The following ANKDD1B variants were observed in gnomAD, a reference collection of about 807,000 sequenced individuals.
ANKDD1B encodes the protein ankyrin repeat and death domain containing 1B.
ANKDD1B carries 57 observed loss-of-function variants against 59.7 expected under a neutral mutation model. That is an observed-to-expected ratio of 0.95 (90% CI 0.77 to 1.19). The LOEUF (loss-of-function observed/expected upper bound fraction) is 1.19. Ranked by LOEUF, ANKDD1B falls within the 50% of genes most tolerant of loss-of-function variation. ANKDD1B has a pLI of 0.00. For synonymous variants in ANKDD1B, 216 were observed against 239.5 expected, an observed-to-expected ratio of 0.90 and a Z score of 0.91; for missense variants, 602 against 641.9, an observed-to-expected ratio of 0.94 and a Z score of 0.67.
At chr5:75,641,937 G>A (rs907433811) in intron 7 of ANKDD1B, among the ~76,000 whole-genome samples, 4 of 152,154 alleles carry the variant, frequency 2.6e-5, no homozygotes, top group African/African-American at 9.7e-5. Flanking sequence ...CAACATATAC[G>A]TGGAATGAAA....
intron 1 of ANKDD1B, among the ~76,000 whole-genome samples, chr5:75,614,407 T>C (rs1773660124): frequency 6.6e-6 from 1 of 152,210 alleles, no homozygotes; most frequent in African/African-American, 2.4e-5. Flanking sequence ...GAGGAAGATA[T>C]TATCTCTGTC....
intron 7 of ANKDD1B, among the ~76,000 whole-genome samples, chr5:75,640,680 A>G (rs1014192272): frequency 1.3e-5 from 2 of 152,232 alleles, no homozygotes; most frequent in Non-Finnish European, 2.9e-5. Flanking sequence ...GACAGCAGGA[A>G]GTGACACCAA....
rs1392581162 is a variant in ANKDD1B at position 75,616,846 on chromosome 5, A to G, written c.236A>G (p.Asn79Ser). ...ERSFQNAAKSNNLDLMEKLFE... is the reference protein window; with the variant it reads ...ERSFQNAAKSSNLDLMEKLFE... ...AGCTTTCAGAATGCTGCTAAAAGCA[A>G]TAATTTGGATCTTATGGAGAAGCTG... Residue 79 changes from asparagine to serine, a missense_variant, in exon 2 of 14, where the codon AAT becomes AGT. Transcript: ENST00000601380. The G allele has an allele frequency of 1.2e-5, 18 of 1,533,128 alleles. No homozygotes were observed. The highest frequency in any genetic ancestry group is 1.5e-5 in the Non-Finnish European group (17 of 1,144,486). 95.0% of individuals were successfully genotyped at this position (1,533,128 alleles called of 1,614,324 possible).
intron 1 of ANKDD1B, among the ~76,000 whole-genome samples, chr5:75,613,773 A>G (rs1561428913): frequency 6.6e-6 from 1 of 152,194 alleles, no homozygotes; most frequent in Non-Finnish European, 1.5e-5. Context: ...CAGTCAGGAC[A>G]AAGTAAGCTT....
intron 12 of ANKDD1B, among the ~76,000 whole-genome samples, chr5:75,668,354 G>A (rs1485427187): frequency 6.6e-6 from 1 of 152,178 alleles, no homozygotes; most frequent in African/African-American, 2.4e-5. Flanking sequence ...GCACTGGGGA[G>A]TTTGTGGGCT....
At chr5:75,624,808 A>G (rs1038256287) in intron 3 of ANKDD1B, among the ~76,000 whole-genome samples, 1 of 152,228 alleles carries the variant, frequency 6.6e-6, no homozygotes, top group Non-Finnish European at 1.5e-5. Flanking sequence ...AGATATATAC[A>G]TATACATGTA....
At chr5:75,637,830 G>A (rs1774358252) in intron 7 of ANKDD1B, among the ~76,000 whole-genome samples, 1 of 151,642 alleles carries the variant, frequency 6.6e-6, no homozygotes, top group Non-Finnish European at 1.5e-5. Context: ...ATAGCGTCAG[G>A]GTCTTGCTTT....
At chr5:75,635,399 G>T in intron 6 of ANKDD1B, 1 of 194,062 alleles carries the variant, frequency 5.2e-6, no homozygotes, top group Non-Finnish European at 1.1e-5. Flanking sequence ...ATATGGAATT[G>T]TGGGTCAAAG....
At chr5:75,611,936 T>C in intron 1 of ANKDD1B, 109 bp downstream of exon 1, 6 of 942,166 alleles carry the variant, frequency 6.4e-6, no homozygotes, top group Non-Finnish European at 8.3e-6. Flanking sequence ...GGAGGGAAAC[T>C]GGCGAGGCGA....
intron 7 of ANKDD1B, among the ~76,000 whole-genome samples, chr5:75,648,274 A>ATT (rs1774709755): frequency 6.8e-6 from 1 of 147,914 alleles, no homozygotes; most frequent in Non-Finnish European, 1.5e-5. Context: ...AATTAAAAAA[A>ATT]AAAAAAAAAG....
rs1398438117 is a variant in ANKDD1B at position 75,653,287 on chromosome 5, T to C, written c.897+47T>C. On this transcript the variant is annotated intron_variant, in intron 8 of 13. Coordinates refer to ENST00000601380, the MANE Select transcript of ANKDD1B (RefSeq NM_001276713.2). ...GGGCTTTGGTCCTGGCGCCGTGAGGTTGGCTGTGTCAGGGAGATGCCCCTT... is the reference window on the plus strand; with the variant it reads ...GGGCTTTGGTCCTGGCGCCGTGAGGCTGGCTGTGTCAGGGAGATGCCCCTT... 5.0e-6 allele frequency: 7 copies of C among 1,403,462 alleles called. No individual in the cohort carries two copies. In the African/African-American group the frequency reaches 8.6e-5, roughly 17 times the overall value. 86.9% of individuals were successfully genotyped at this position (1,403,462 alleles called of 1,614,324 possible). A position where few individuals can be genotyped will look rare whatever the true frequency, so the allele number is the denominator to read the frequency against.
intron 5 of ANKDD1B, among the ~76,000 whole-genome samples, chr5:75,633,261 T>G (rs982400563): frequency 1.2e-4 from 18 of 152,192 alleles, no homozygotes; most frequent in Non-Finnish European, 5.9e-5. Flanking sequence ...GGGATGTAGA[T>G]CTCATTGGTG....
At chr5:75,611,943 G>A (rs1581124014) in intron 1 of ANKDD1B, 116 bp downstream of exon 1, 2 of 891,974 alleles carry the variant, frequency 2.2e-6, no homozygotes, top group African/African-American at 3.5e-5. Context: ...AACTGGCGAG[G>A]CGACTCAGCC....
chr5:75,628,159 G>A (rs543847690), intron 5 of ANKDD1B, among the ~76,000 whole-genome samples: 3 of 152,322 alleles, frequency 2.0e-5, no homozygotes, highest in African/African-American at 4.8e-5. Context: ...TCTAAGATCT[G>A]TGAGTGGGTC....
chr5:75,652,470 C>A (rs574026371), intron 7 of ANKDD1B, among the ~76,000 whole-genome samples: 2 of 152,292 alleles, frequency 1.3e-5, no homozygotes, highest in Admixed American at 1.3e-4. Flanking sequence ...GAAACTGGGT[C>A]TCACTCTGTT....
chr5:75,611,839 G>A lies in ANKDD1B; in HGVS notation c.193+12G>A. The stretch of plus-strand genomic sequence containing the variant: ...CGGACACGAGCTCCGTGAGTCCCGG[G>A]ACGAGGTCTCAGAAAATCAGGCTGC... On this transcript the variant is annotated intron_variant, in intron 1 of 13. Transcript: ENST00000601380. The A allele has an allele frequency of 8.1e-7, 1 of 1,231,870 alleles. No homozygotes were observed. The highest frequency in any genetic ancestry group is 4.1e-5 in the South Asian group (1 of 24,320). 76.3% of individuals were successfully genotyped at this position (1,231,870 alleles called of 1,614,324 possible).
intron 7 of ANKDD1B, among the ~76,000 whole-genome samples, chr5:75,644,097 G>A (rs1323723774): frequency 4.7e-5 from 5 of 107,260 alleles, no homozygotes; most frequent in Non-Finnish European, 3.3e-5. Flanking sequence ...CCTGAAGGAA[G>A]CGCTAAACAT....
intron 1 of ANKDD1B, 52 bp downstream of exon 1, chr5:75,611,879 CGAAGGGACTTGA>C: frequency 8.2e-7 from 1 of 1,221,040 alleles, no homozygotes. Flanking sequence ...CGGGCTGGGT[CGAAGGGACTTGA>C]GAAGGTACCC....
intron 1 of ANKDD1B, among the ~76,000 whole-genome samples, chr5:75,613,996 G>A (rs1355188494): frequency 6.6e-6 from 1 of 152,204 alleles, no homozygotes; most frequent in Non-Finnish European, 1.5e-5. Context: ...TGTTCGTGTA[G>A]CATGTCCAAA....
Sources: gnomAD v4.1 joint callset for allele counts (sites outside exome capture counted in the v4.1 genomes callset) on GRCh38, gnomAD v4.1.1 for gene constraint, MANE v1.5 for transcripts, NCBI Gene and HGNC (gene_info 2026-07-23, HGNC 2026-07-21) for gene names.